The following CASZ1 variants were observed in gnomAD, a reference collection of about 807,000 sequenced individuals.
CASZ1 encodes zinc finger protein castor homolog 1.
In CASZ1, 28 loss-of-function variants were observed where a neutral mutation model predicts 135.2. The ratio of observed to expected loss-of-function variants is 0.21; its 90% CI spans 0.15 to 0.28. The LOEUF is 0.28. CASZ1 is among the 10% of genes least tolerant of loss of function. The pLI is 1.00. For missense variants in CASZ1, 2,161 were observed against 2,453.3 expected, an observed-to-expected ratio of 0.88 and a Z score of 2.52; for synonymous variants, 1,068 against 1,073.4, an observed-to-expected ratio of 0.99 and a Z score of 0.10.
intron 5 of CASZ1, among the ~76,000 whole-genome samples, chr1:10,662,187 C>T (rs1365619822): frequency 6.6e-6 from 1 of 151,960 alleles, no homozygotes; most frequent in Admixed American, 6.6e-5. Flanking sequence ...CATTCTCATA[C>T]ACTCTCATAT....
rs755043971 is a variant in CASZ1 at position 10,639,788 on chromosome 1, C to T, written c.4434G>A (p.Ala1478=). 3.7e-6 allele frequency: 6 copies of T among 1,604,660 alleles called. No individual in the cohort carries two copies. The highest frequency in any genetic ancestry group is 2.2e-5 in the East Asian group (1 of 44,520). The change falls in exon 21 of 21, where the codon GCG becomes GCA. Residue 1478 remains alanine, a synonymous_variant. Coordinates refer to ENST00000377022, the MANE Select transcript of CASZ1 (RefSeq NM_001079843.3). This position sits in a 1 kb window ranked among gnomAD's most constrained non-coding sequence, Gnocchi z 4.0. Reference sequence around the variant, plus strand: ...GGTTGTCCACGCGGTCGTGGTGCTGCGCGTGCTTGTACATGTGCGTGCGCC... The same window carrying T: ...GGTTGTCCACGCGGTCGTGGTGCTGTGCGTGCTTGTACATGTGCGTGCGCC... ...FCGRTHMYKH[A]QHHDRVDNLV... is the part of the protein sequence containing the mutation.
intron 2 of CASZ1, among the ~76,000 whole-genome samples, chr1:10,746,544 C>T (rs1640044899): frequency 6.6e-6 from 1 of 152,224 alleles, no homozygotes; most frequent in South Asian, 2.1e-4. Flanking sequence ...TGAGGGCCCC[C>T]TTGCCTGGGT....
At chr1:10,693,497 C>CAAAAAAAAAAAAAAAAA (rs1172496673) in intron 4 of CASZ1, among the ~76,000 whole-genome samples, 1 of 23,276 alleles carries the variant, frequency 4.3e-5, no homozygotes, top group African/African-American at 1.8e-4. Context: ...TTGCAGAGAA[C>CAAAAAAAAAAAAAAAAA]AAAAAAAAAA....
rs1431832390 is a variant in CASZ1 at position 10,788,057 on chromosome 1, T to C, written c.-234+8507A>G. ...TCAAACATGACCTTGCCTAAGACCG[T>C]TGCTCAAACATCTTAGAATCCCAGA... On this transcript the variant is annotated intron_variant, in intron 1 of 20. Coordinates refer to ENST00000377022, the MANE Select transcript of CASZ1 (RefSeq NM_001079843.3). The surrounding 1 kb of genome is among the most constrained non-coding windows in gnomAD (Gnocchi z 4.1). Among the ~76,000 whole-genome samples the C allele has an allele frequency of 6.6e-6, 1 of 152,190 alleles. No individual in the cohort carries two copies. The highest frequency in any genetic ancestry group is 1.5e-5 in the Non-Finnish European group (1 of 68,032).
intron 1 of CASZ1, among the ~76,000 whole-genome samples, chr1:10,764,793 A>T (rs754398929): frequency 6.6e-6 from 1 of 152,232 alleles, no homozygotes; most frequent in Non-Finnish European, 1.5e-5. Flanking sequence ...ACACGTCACA[A>T]TGAAAGGCTC....
chr1:10,748,410 C>A (rs779528909), intron 2 of CASZ1, among the ~76,000 whole-genome samples: 3 of 152,230 alleles, frequency 2.0e-5, no homozygotes, highest in Non-Finnish European at 2.9e-5. Flanking sequence ...GCAGCAGTGA[C>A]CCCTCACTCA....
rs372939955 is a variant in CASZ1, at chr1:10,665,132, G to A, written c.456C>T (p.Asp152=). ...DGGALEEKDS[D]GAASKEDSGP... is the part of the protein sequence containing the mutation. ...CGCTGTCCTCCTTGGAGGCTGCCCC[G>A]TCCGAATCCTTCTCCTCCAGGGCAC... Residue 152 remains aspartate (D), a synonymous_variant, in exon 5 of 21, where the codon GAC becomes GAT. Coordinates refer to ENST00000377022, the MANE Select transcript of CASZ1 (RefSeq NM_001079843.3). 7 of 1,526,502 alleles carry A rather than the reference G, an allele frequency of 4.6e-6. No homozygotes were observed. Among genetic ancestry groups the A allele is most frequent in the East Asian group, 2.3e-5 (1 of 43,822 alleles). The allele number at this position is 1,526,502 out of a possible 1,614,324, so 94.6% of individuals were successfully genotyped here.
chr1:10,783,229 G>A (rs1250420260), intron 1 of CASZ1, among the ~76,000 whole-genome samples: 4 of 147,372 alleles, frequency 2.7e-5, no homozygotes, highest in Admixed American at 6.8e-5. Flanking sequence ...TATTTTTAAC[G>A]GCTAGGCCAG....
At chr1:10,765,622 C>A (rs1038840464) in intron 1 of CASZ1, among the ~76,000 whole-genome samples, 4 of 152,178 alleles carry the variant, frequency 2.6e-5, no homozygotes, top group Non-Finnish European at 5.9e-5. Flanking sequence ...CATCTCACGG[C>A]TTCAGGTGAC....
At chr1:10,748,603 C>T (rs563777905) in intron 2 of CASZ1, among the ~76,000 whole-genome samples, 3 of 152,292 alleles carry the variant, frequency 2.0e-5, no homozygotes, top group African/African-American at 7.2e-5. Flanking sequence ...GAGCCCATCT[C>T]TCTCCATGGT....
rs1055478631 is a variant in CASZ1 at position 10,646,958 on chromosome 1, G to A, written c.3498-632C>T. On this transcript the variant is annotated intron_variant, in intron 16 of 20. Coordinates refer to ENST00000377022, the MANE Select transcript of CASZ1 (RefSeq NM_001079843.3). The surrounding 1 kb of genome is among the most constrained non-coding windows in gnomAD (Gnocchi z 6.4). ...CGGGTGTGCTGGCCTGCCCTAGGCCGCCTCCAGGATGCAGAGGGGTGCAGG... is the reference window on the plus strand; with the variant it reads ...CGGGTGTGCTGGCCTGCCCTAGGCCACCTCCAGGATGCAGAGGGGTGCAGG... Among the ~76,000 whole-genome samples, 3 of 152,100 alleles carry A rather than the reference G, an allele frequency of 2.0e-5. No homozygotes were observed. The highest frequency in any genetic ancestry group is 6.5e-5 in the Admixed American group (1 of 15,292).
In CASZ1 at chr1:10,711,074, T is replaced by C. The variant is rs936509418; in HGVS notation, c.-76-5530A>G. On this transcript the variant is annotated intron_variant, in intron 2 of 20. Coordinates refer to ENST00000377022, the MANE Select transcript of CASZ1 (RefSeq NM_001079843.3). This position sits in a 1 kb window ranked among gnomAD's most constrained non-coding sequence, Gnocchi z 4.4. ...TGAACCCGGGAGGCAGAGGTTGCAG[T>C]GAGCTGAGATCATGCAACTACACTC... Among the ~76,000 whole-genome samples, 7 of 152,232 alleles carry C rather than the reference T, an allele frequency of 4.6e-5. No individual in the cohort carries two copies. In the East Asian group the frequency reaches 5.8e-4, roughly 13 times the overall value.
chr1:10,671,336 A>G (rs954842713), intron 4 of CASZ1, among the ~76,000 whole-genome samples: 3 of 152,132 alleles, frequency 2.0e-5, no homozygotes, highest in Non-Finnish European at 4.4e-5. Flanking sequence ...GCGCGCACAC[A>G]CGCTCGGATG....
At chr1:10,687,217 A>G (rs910369806) in intron 4 of CASZ1, among the ~76,000 whole-genome samples, 1 of 152,170 alleles carries the variant, frequency 6.6e-6, no homozygotes, top group African/African-American at 2.4e-5. Flanking sequence ...AAAGAGCCCC[A>G]TAAGAAAAGG....
chr1:10,753,936 A>G (rs1431377327), intron 2 of CASZ1, among the ~76,000 whole-genome samples: 3 of 152,180 alleles, frequency 2.0e-5, no homozygotes, highest in Admixed American at 2.0e-4. Context: ...AATGGCCTGC[A>G]AGGCCTACGG....
intron 15 of CASZ1, chr1:10,648,601 G>A (rs143563802): frequency 2.9e-4 from 56 of 195,370 alleles, no homozygotes; most frequent in African/African-American, 1.3e-3. Context: ...CCTTATAAGT[G>A]GGCGGCTAGG....
intron 4 of CASZ1, among the ~76,000 whole-genome samples, chr1:10,669,771 G>GT (rs1392641464): frequency 6.6e-6 from 1 of 152,064 alleles, no homozygotes; most frequent in Non-Finnish European, 1.5e-5. Context: ...CGGTGGGTGG[G>GT]TGGGGGTCTG....
intron 20 of CASZ1, among the ~76,000 whole-genome samples, chr1:10,640,502 G>A (rs1642166402): frequency 1.3e-5 from 2 of 152,230 alleles, no homozygotes; most frequent in South Asian, 2.1e-4. Context: ...CTCCTTTCCC[G>A]CCGGCTACCC....
chr1:10,685,457 C>G (rs1191509054), intron 4 of CASZ1, among the ~76,000 whole-genome samples: 2 of 152,242 alleles, frequency 1.3e-5, no homozygotes, highest in Non-Finnish European at 2.9e-5. Flanking sequence ...ATTCCCAAGA[C>G]GCATTTCCCA....
Sources: allele counts gnomAD v4.1 joint callset (sites outside exome capture counted in the v4.1 genomes callset), GRCh38; gene constraint gnomAD v4.1.1; non-coding constraint Gnocchi (gnomAD v3.1); transcripts MANE v1.5; gene names NCBI Gene and HGNC (gene_info 2026-07-23, HGNC 2026-07-21).